PDZD2: variants seen among roughly 807,000 people sequenced by gnomAD.
The protein encoded by PDZD2 is PDZ domain containing 2.
Under a neutral mutation model 220.7 loss-of-function variants are expected in PDZD2, and 90 were observed. That is an observed-to-expected ratio of 0.41 (90% CI 0.34 to 0.49). PDZD2 has a LOEUF of 0.49. Ranked by LOEUF, PDZD2 falls within the 20% of genes least tolerant of loss-of-function variation. The pLI, the probability that PDZD2 is intolerant of heterozygous loss-of-function variation, is 0.28. For synonymous variants in PDZD2, 1,375 were observed against 1,450.5 expected (o/e 0.95, Z 1.18); for missense variants, 3,174 against 3,608.5 (o/e 0.88, Z 3.08).
intron 2 of PDZD2, among the ~76,000 whole-genome samples, chr5:31,905,655 C>A (rs1424036787): frequency 6.6e-6 from 1 of 152,228 alleles, no homozygotes; most frequent in Non-Finnish European, 1.5e-5. Context: ...AGTTAACCTT[C>A]CCGCTAAGAA....
intron 2 of PDZD2, among the ~76,000 whole-genome samples, chr5:31,810,223 C>T (rs968173013): frequency 1.8e-4 from 27 of 151,252 alleles, no homozygotes; most frequent in Non-Finnish European, 3.5e-4. Context: ...TTTTGAGCAC[C>T]ATATGCCCTC....
chr5:32,007,319 C>T (rs962551082), intron 5 of PDZD2, among the ~76,000 whole-genome samples: 4 of 151,760 alleles, frequency 2.6e-5, no homozygotes, highest in African/African-American at 9.7e-5. Flanking sequence ...AGCCCCAGCA[C>T]CATCTTTAAT....
At chr5:32,106,076 T>C (rs1322723133) in intron 24 of PDZD2, 1 of 152,258 alleles carries the variant, frequency 6.6e-6, no homozygotes, top group Non-Finnish European at 1.5e-5. Context: ...GTATACTTTA[T>C]TTCTGTTATT....
chr5:31,687,644 C>T (rs1746927624), intron 1 of PDZD2, among the ~76,000 whole-genome samples: 1 of 152,124 alleles, frequency 6.6e-6, no homozygotes, highest in Non-Finnish European at 1.5e-5. Flanking sequence ...ATACCATAGA[C>T]TGAGTGTCTT....
intron 1 of PDZD2, among the ~76,000 whole-genome samples, chr5:31,647,770 A>T (rs1745187713): frequency 6.6e-6 from 1 of 152,094 alleles, no homozygotes; most frequent in Non-Finnish European, 1.5e-5. Flanking sequence ...AGGTTTTGGG[A>T]TGTGGGTATA....
At chr5:32,053,035 G>T (rs1468402080) in intron 9 of PDZD2, among the ~76,000 whole-genome samples, 1 of 152,200 alleles carries the variant, frequency 6.6e-6, no homozygotes, top group East Asian at 1.9e-4. Flanking sequence ...AAAGTAACAG[G>T]TATAAAGAAG....
chr5:32,109,632 A>AAACC lies in PDZD2; in HGVS notation c.*1502_*1505dup, dbSNP rs1296488829. ...CAAGCCAGGTCGTCTTCAGTGGCAC[A>AAACC]AACCAACCCGTTGAGCCCTGACAAC... On this transcript the variant is annotated 3_prime_UTR_variant, in exon 25 of 25. Transcript: ENST00000438447. 5 of 152,276 alleles carry AAACC rather than the reference A, an allele frequency of 3.3e-5. No homozygotes were observed. Among genetic ancestry groups the AAACC allele is most frequent in the African/African-American group, 4.8e-5 (2 of 41,450 alleles). 9.4% of individuals were successfully genotyped at this position (152,276 alleles called of 1,614,324 possible).
rs553348898 is a variant in PDZD2 at position 31,923,014 on chromosome 5, C to G, written c.477-60141C>G. ...GCCCTTCAAAAATGCGCTTGCAGGCCGGGCGTGGTGGCTCATGCCTGAAAT... is the reference window on the plus strand; with the variant it reads ...GCCCTTCAAAAATGCGCTTGCAGGCGGGGCGTGGTGGCTCATGCCTGAAAT... On this transcript the variant is annotated intron_variant, in intron 2 of 24. Transcript: ENST00000438447. Among the ~76,000 whole-genome samples the G allele has an allele frequency of 6.8e-3, 1,021 of 149,076 alleles. 6 individuals are homozygous for G. Among genetic ancestry groups the G allele is most frequent in the Non-Finnish European group, 0.012 (792 of 67,430 alleles).
In PDZD2 at chr5:31,864,839, C is replaced by CTT. The variant is rs70955752; in HGVS notation, c.476+65141_476+65142dup. On this transcript the variant is annotated intron_variant, in intron 2 of 24. Transcript: ENST00000438447. ...GAATTGTATCTTGTATGAGATTTGT[C>CTT]TTTTTTTTTTTTTTTTTTTTTTTTT... Among the ~76,000 whole-genome samples the CTT allele has an allele frequency of 8.7e-3, 616 of 70,958 alleles. 67 individuals are homozygous for CTT. The highest frequency in any genetic ancestry group is 0.013 in the Non-Finnish European group (524 of 39,016). 46.6% of individuals were successfully genotyped at this position (70,958 alleles called of 152,430 possible). A position where few individuals can be genotyped will look rare whatever the true frequency, so the allele number is the denominator to read the frequency against.
intron 2 of PDZD2, among the ~76,000 whole-genome samples, chr5:31,969,507 TCCAAAAAAA>T: frequency 1.5e-4 from 1 of 6,538 alleles, no homozygotes. Context: ...AGGCCCCCTC[TCCAAAAAAA>T]AAAAAAAAAA....
At chr5:31,683,247 A>G (rs182289952) in intron 1 of PDZD2, among the ~76,000 whole-genome samples, 3 of 151,816 alleles carry the variant, frequency 2.0e-5, no homozygotes, top group African/African-American at 7.2e-5. Flanking sequence ...AAGAAAACGA[A>G]TTAGAAAAGA....
intron 1 of PDZD2, chr5:31,657,349 A>T (rs1276879392): frequency 6.6e-6 from 1 of 152,336 alleles, no homozygotes. Context: ...GATGGCGGAC[A>T]GGTGTTCATC....
At chr5:31,865,540 A>G (rs1484105801) in intron 2 of PDZD2, among the ~76,000 whole-genome samples, 3 of 146,672 alleles carry the variant, frequency 2.0e-5, no homozygotes, top group African/African-American at 7.6e-5. Context: ...ATGAACTCCT[A>G]GGCTCAAACA....
intron 6 of PDZD2, among the ~76,000 whole-genome samples, chr5:32,015,820 T>C (rs1286200355): frequency 1.4e-5 from 2 of 138,062 alleles, no homozygotes; most frequent in Non-Finnish European, 3.1e-5. Context: ...CTTATTAAGT[T>C]GGAGCCTGTC....
chr5:31,667,313 AG>A (rs1234835531), intron 1 of PDZD2, among the ~76,000 whole-genome samples: 1 of 151,550 alleles, frequency 6.6e-6, no homozygotes, highest in Admixed American at 6.6e-5. Flanking sequence ...CTAGGGATAC[AG>A]GGGTGAGTGA....
At chr5:32,024,942 C>T (rs1288672313) in intron 6 of PDZD2, among the ~76,000 whole-genome samples, 2 of 152,194 alleles carry the variant, frequency 1.3e-5, no homozygotes, top group Non-Finnish European at 2.9e-5. Context: ...AGTGCTGGGC[C>T]AGATTTGGCC....
At chr5:31,818,597 G>C (rs1375866902) in intron 2 of PDZD2, among the ~76,000 whole-genome samples, 1 of 152,094 alleles carries the variant, frequency 6.6e-6, no homozygotes, top group Non-Finnish European at 1.5e-5. Flanking sequence ...GGCACCTCTT[G>C]CTGACTGCTT....
intron 6 of PDZD2, among the ~76,000 whole-genome samples, chr5:32,030,802 T>C (rs890736305): frequency 1.3e-5 from 2 of 152,192 alleles, no homozygotes; most frequent in African/African-American, 2.4e-5. Context: ...TTCTAGCCTA[T>C]TCTCCTCCTG....
chr5:32,010,262 G>T, intron 5 of PDZD2, 68 bp from the exon 6 acceptor site: 1 of 1,120,072 alleles, frequency 8.9e-7, no homozygotes, highest in South Asian at 1.5e-5. Context: ...ACTGTGCCAG[G>T]TTGCCTTCAA....
Sources: gnomAD v4.1 joint callset for allele counts (sites outside exome capture counted in the v4.1 genomes callset) on GRCh38, gnomAD v4.1.1 for gene constraint, MANE v1.5 for transcripts, NCBI Gene and HGNC (gene_info 2026-07-23, HGNC 2026-07-21) for gene names.